Variants in LARS1 observed in about 807,000 individuals in gnomAD.
LARS1 encodes the protein leucyl-tRNA synthetase 1, also known as leucine--tRNA ligase, cytoplasmic.
Under a neutral mutation model 162.8 loss-of-function variants are expected in LARS1, and 100 were observed. That is an observed-to-expected ratio of 0.61 (90% CI 0.52 to 0.73). The LOEUF (loss-of-function observed/expected upper bound fraction) is 0.73. Among genes scored for constraint, LARS1 ranks in the 30% least tolerant of loss-of-function variants. The pLI is 0.00. For synonymous variants in LARS1, 457 were observed against 462.8 expected (o/e 0.99, Z 0.16); for missense variants, 1,258 against 1,408.9 (o/e 0.89, Z 1.71).
At chr5:146,137,774 C>A in intron 21 of LARS1, 2 of 322,586 alleles carry the variant, frequency 6.2e-6, no homozygotes, top group South Asian at 2.5e-5. Context: ...AGGCTGTGGT[C>A]CAAGGCCATT....
chr5:146,154,939 C>T (rs746748287), intron 10 of LARS1, among the ~76,000 whole-genome samples: 50 of 151,878 alleles, frequency 3.3e-4, no homozygotes, highest in Non-Finnish European at 6.3e-4. Flanking sequence ...CTGCAACCTC[C>T]GCCTCCCAGG....
At chr5:146,124,404 A>G (rs1751959902) in intron 28 of LARS1, among the ~76,000 whole-genome samples, 1 of 151,888 alleles carries the variant, frequency 6.6e-6, no homozygotes, top group African/African-American at 2.4e-5. Context: ...TGCAAGCCCA[A>G]AGAATTCACT....
At position 146,171,323 on chromosome 5, in the gene LARS1, C is replaced by A. The variant is rs1158354091; in HGVS notation, c.294+587G>T. On this transcript the variant is annotated intron_variant, in intron 4 of 31. Transcript: ENST00000394434. ...AGTTAGCCAAGATCACACCATTGCA[C>A]TGCAGCCTGGACGACAAAAGCAAAA... is the stretch of plus-strand genomic sequence containing the variant. Among the ~76,000 whole-genome samples, 3 of 151,472 alleles carry A rather than the reference C, an allele frequency of 2.0e-5. No homozygotes were observed. The South Asian group carries it at 6.2e-4, about 31-fold the overall frequency.
chr5:146,161,037 AACC>A (rs1238611491), intron 6 of LARS1, among the ~76,000 whole-genome samples: 1 of 152,200 alleles, frequency 6.6e-6, no homozygotes, highest in African/African-American at 2.4e-5. Context: ...TTTGGTTCTA[AACC>A]ACCACAACAA....
intron 12 of LARS1, 120 bp from the exon 13 acceptor site, chr5:146,153,347 CAT>C: frequency 1.4e-6 from 1 of 719,684 alleles, no homozygotes; most frequent in South Asian, 1.8e-5. Flanking sequence ...TTCTCCTCTC[CAT>C]AGAGAGCAAT....
At chr5:146,144,756 T>A (rs1475767141) in intron 15 of LARS1, 47 bp from the exon 16 acceptor site, 4 of 1,483,740 alleles carry the variant, frequency 2.7e-6, no homozygotes, top group Non-Finnish European at 9.4e-7. Context: ...GTCAAATCAA[T>A]CTTCATTCCT....
intron 28 of LARS1, 60 bp from the exon 29 acceptor site, chr5:146,124,146 C>T (rs1371745454): frequency 5.0e-6 from 5 of 996,560 alleles, no homozygotes; most frequent in Non-Finnish European, 7.9e-6. Context: ...GGAAAACATA[C>T]TTCCTCCAAA....
At chr5:146,141,786 ACT>A (rs928852009) in intron 20 of LARS1, among the ~76,000 whole-genome samples, 1 of 152,062 alleles carries the variant, frequency 6.6e-6, no homozygotes, top group African/African-American at 2.4e-5. Context: ...ACAGAGTGAG[ACT>A]CTGTAGAAAA....
At chr5:146,137,806 C>A in intron 21 of LARS1, 1 of 295,232 alleles carries the variant, frequency 3.4e-6, no homozygotes, top group South Asian at 2.9e-5. Flanking sequence ...TGAGCAATGT[C>A]TCCAGAACAC....
chr5:146,120,410 T>A lies in LARS1; in HGVS notation c.3286A>T (p.Ile1096Leu). Residue 1096 changes from isoleucine to leucine, a missense_variant, in exon 31 of 32, where the codon ATA (isoleucine) becomes TTA (leucine). Ile to Leu is a conservative substitution (Grantham distance 5). Coordinates refer to ENST00000394434, the MANE Select transcript of LARS1 (RefSeq NM_020117.11). The part of the protein sequence containing the change: ...EIRQGDNCDS[I>L]IRRLMKMNRG... Reference sequence around the variant, plus strand: ...TTCATTTTCATTAAACGCCTGATTATGGAATCACAGTTATCTCCTTGCCTG... The same window carrying A: ...TTCATTTTCATTAAACGCCTGATTAAGGAATCACAGTTATCTCCTTGCCTG... 6.2e-7 allele frequency: 1 copy of A among 1,613,428 alleles called. No homozygotes were observed. The highest frequency in any genetic ancestry group is 8.5e-7 in the Non-Finnish European group (1 of 1,179,516).
intron 6 of LARS1, among the ~76,000 whole-genome samples, 153 bp from the exon 7 acceptor site, chr5:146,160,639 A>G (rs556247287): frequency 6.5e-4 from 95 of 145,726 alleles, no homozygotes; most frequent in African/African-American, 2.1e-3. Flanking sequence ...AAAGTATATC[A>G]CAATTACTTT....
chr5:146,136,778 G>T (rs1170247748), intron 21 of LARS1, among the ~76,000 whole-genome samples: 2 of 152,036 alleles, frequency 1.3e-5, no homozygotes, highest in Non-Finnish European at 2.9e-5. Context: ...ACCGCACCCG[G>T]CCACAGATTA....
Position 146,126,444 on chromosome 5 carries a change from G to A in LARS1, c.2982C>T (p.Ala994=), listed in dbSNP as rs1752046595. The A allele has an allele frequency of 1.2e-6, 2 of 1,605,112 alleles. No homozygotes were observed. The highest frequency in any genetic ancestry group is 1.7e-4 in the Middle Eastern group (1 of 6,054). ...AAGGTCCACAGCTTACCTTAATCAT[G>A]GCAACAAATGGCATGACTTTCTTCA... The part of the protein sequence containing the change: ...KYMKKVMPFV[A]MIKENLEKMG... The change falls in exon 28 of 32, where the codon GCC becomes GCT. Residue 994 remains alanine, a synonymous_variant. Coordinates refer to ENST00000394434, the MANE Select transcript of LARS1 (RefSeq NM_020117.11).
chr5:146,159,599 A>G, intron 7 of LARS1, 129 bp from the exon 8 acceptor site: 1 of 661,196 alleles, frequency 1.5e-6, no homozygotes, highest in Non-Finnish European at 2.7e-6. Context: ...ATCTGTGTCT[A>G]TTATGTGTAC....
At chr5:146,118,375 G>T (rs1751665673) in intron 31 of LARS1, among the ~76,000 whole-genome samples, 1 of 152,094 alleles carries the variant, frequency 6.6e-6, no homozygotes, top group Non-Finnish European at 1.5e-5. Context: ...TGGAAGAGAG[G>T]GGACTGGAAG....
chr5:146,161,535 C>T (rs1300355414), intron 6 of LARS1, among the ~76,000 whole-genome samples: 1 of 152,040 alleles, frequency 6.6e-6, no homozygotes, highest in Non-Finnish European at 1.5e-5. Context: ...TCGAGACCAG[C>T]CTAACCAACA....
At position 146,143,852 on chromosome 5, in the gene LARS1, A is replaced by AG. The variant is rs763972694; in HGVS notation, c.1739-303_1739-302insC. Among the ~76,000 whole-genome samples, 157 of 152,244 alleles carry AG rather than the reference A, an allele frequency of 1.0e-3. 1 individual carries two copies. Among genetic ancestry groups the AG allele is most frequent in the Non-Finnish European group, 3.2e-4 (22 of 68,018 alleles). ...CGTCTCTACTAAAAGTACAAAAAAAATTAGCCAGGCATGGTGGTGGGTGCC... is the reference window on the plus strand; with the variant it reads ...CGTCTCTACTAAAAGTACAAAAAAAAGTTAGCCAGGCATGGTGGTGGGTGCC... On this transcript the variant is annotated intron_variant, in intron 18 of 31. Transcript: ENST00000394434.
chr5:146,139,043 A>G (rs1196592158), intron 21 of LARS1: 21 of 61,852 alleles, frequency 3.4e-4, no homozygotes, highest in East Asian at 7.5e-4. Flanking sequence ...GATTTGTGAA[A>G]AAAAAAAAAA....
At chr5:146,149,056 CAA>C (rs1753151394) in intron 15 of LARS1, among the ~76,000 whole-genome samples, 1 of 151,398 alleles carries the variant, frequency 6.6e-6, no homozygotes, top group Non-Finnish European at 1.5e-5. Flanking sequence ...GTCTGTGTAA[CAA>C]GAGCGAAACT....
Sources: gnomAD v4.1 joint callset for allele counts (sites outside exome capture counted in the v4.1 genomes callset) on GRCh38, gnomAD v4.1.1 for gene constraint, MANE v1.5 for transcripts, NCBI Gene and HGNC (gene_info 2026-07-23, HGNC 2026-07-21) for gene names.